PSMD3: variants seen among roughly 807,000 people sequenced by gnomAD.
PSMD3 encodes proteasome 26S subunit, non-ATPase 3, also known as 26S proteasome non-ATPase regulatory subunit 3.
Under a neutral mutation model 62.8 loss-of-function variants are expected in PSMD3, and 5 were observed. The observed-to-expected ratio is 0.08, with a 90% CI of 0.04 to 0.17. PSMD3 has a LOEUF of 0.17. PSMD3 is among the 10% of genes least tolerant of loss of function. The pLI is 1.00. For missense variants in PSMD3, 524 were observed against 713.6 expected (o/e 0.73, Z 3.03); for synonymous variants, 265 against 283.9 (o/e 0.93, Z 0.67).
chr17:39,996,381 AC>A lies in PSMD3; in HGVS notation c.1476+47del, dbSNP rs1336523169. The A allele has an allele frequency of 6.3e-7, 1 of 1,596,422 alleles. No individual in the cohort carries two copies. The highest frequency in any genetic ancestry group is 1.7e-5 in the Admixed American group (1 of 58,892). ...GCAGAGTCACGCCTGGCAGCAGCAC[AC>A]CCCTCCCTCCACACTCATGGATTCC... is the stretch of plus-strand genomic sequence containing the variant. On this transcript the variant is annotated intron_variant, in intron 10 of 11. Transcript: ENST00000264639. This position sits in a 1 kb window ranked among gnomAD's most constrained non-coding sequence, Gnocchi z 5.1.
In PSMD3 at chr17:39,995,706, CATGTGAGT is replaced by C; in HGVS notation, c.1320+180_1320+187del. 2 of 655,386 alleles carry C rather than the reference CATGTGAGT, an allele frequency of 3.1e-6. No homozygotes were observed. The highest frequency in any genetic ancestry group is 5.5e-6 in the Non-Finnish European group (2 of 366,928). The allele number at this position is 655,386 out of a possible 1,614,324, so 40.6% of individuals were successfully genotyped here. A position where few individuals can be genotyped will look rare whatever the true frequency, so the allele number is the denominator to read the frequency against. ...AGTTGCCAGAGAGAGCATGGATGTGCATGTGAGTGTGTGAGTGTAGGTGTGTGCACATG... is the reference window on the plus strand; with the variant it reads ...AGTTGCCAGAGAGAGCATGGATGTGCGTGTGAGTGTAGGTGTGTGCACATG... On this transcript the variant is annotated intron_variant, in intron 9 of 11. Coordinates refer to ENST00000264639, the MANE Select transcript of PSMD3 (RefSeq NM_002809.4). This position sits in a 1 kb window ranked among gnomAD's most constrained non-coding sequence, Gnocchi z 4.1.
chr17:39,986,439 A>G, intron 2 of PSMD3, 136 bp from the exon 3 acceptor site: 1 of 1,079,682 alleles, frequency 9.3e-7, no homozygotes, highest in Non-Finnish European at 1.3e-6. Flanking sequence ...TTATTTTTTT[A>G]TCCCTAGCAC....
Position 39,996,229 on chromosome 17 carries a change from G to A in PSMD3, c.1367G>A (p.Gly456Asp). Residue 456 changes from glycine to aspartate, a missense_variant, in exon 10 of 12, where the codon GGC becomes GAC. Physicochemically the swap from Gly to Asp is moderately conservative, Grantham distance 94. Transcript: ENST00000264639. The surrounding 1 kb of genome is among the most constrained non-coding windows in gnomAD (Gnocchi z 5.1). ...GAGGCCAGCATCAACCACGAGAAGG[G>A]CTATGTCCAATCCAAGGAGATGATT... is the stretch of plus-strand genomic sequence containing the variant. ...VIEASINHEK[G>D]YVQSKEMIDI... The A allele has an allele frequency of 6.2e-7, 1 of 1,614,024 alleles. No individual in the cohort carries two copies. Among genetic ancestry groups the A allele is most frequent in the African/African-American group, 1.3e-5 (1 of 74,998 alleles).
intron 1 of PSMD3, among the ~76,000 whole-genome samples, chr17:39,983,095 C>T (rs1473156719): frequency 3.3e-5 from 5 of 151,550 alleles, no homozygotes; most frequent in Admixed American, 6.6e-5. Flanking sequence ...TGCAATGGCG[C>T]GATCTCGGCT....
Position 39,995,629 on chromosome 17 carries a change from G to T in PSMD3, c.1320+102G>T. 2 of 1,143,388 alleles carry T rather than the reference G, an allele frequency of 1.7e-6. No homozygotes were observed. Among genetic ancestry groups the T allele is most frequent in the Non-Finnish European group, 2.6e-6 (2 of 771,442 alleles). The allele number at this position is 1,143,388 out of a possible 1,614,324, so 70.8% of individuals were successfully genotyped here. A position where few individuals can be genotyped will look rare whatever the true frequency, so the allele number is the denominator to read the frequency against. On this transcript the variant is annotated intron_variant, in intron 9 of 11. Transcript: ENST00000264639. This position sits in a 1 kb window ranked among gnomAD's most constrained non-coding sequence, Gnocchi z 4.1. ...TTGGCCAAGGAGGGGAATAGGTAAA[G>T]CAATGGCATAGTCATTTCAGGGCGT...
rs1207890302 is a variant in PSMD3 at position 39,984,283 on chromosome 17, CTCT to C, written c.221-5_221-3del. ...GAAAGTGACATCATTTTCTTCTCTG[CTCT>C]TCTTCAGACATCAAGGAGCACGTGA... On this transcript the variant is annotated splice_region_variant and splice_polypyrimidine_tract_variant and intron_variant, in intron 1 of 11. Coordinates refer to ENST00000264639, the MANE Select transcript of PSMD3 (RefSeq NM_002809.4). The C allele has an allele frequency of 3.8e-6, 6 of 1,596,252 alleles. No individual in the cohort carries two copies. Among genetic ancestry groups the C allele is most frequent in the East Asian group, 4.5e-5 (2 of 44,116 alleles).
rs1442617889 is a variant in PSMD3 at position 39,995,037 on chromosome 17, C to T, written c.1065C>T (p.Arg355=). 1.2e-6 allele frequency: 2 copies of T among 1,614,148 alleles called. No individual in the cohort carries two copies. The highest frequency in any genetic ancestry group is 2.2e-5 in the South Asian group (2 of 91,086). Residue 355 remains arginine (R), a synonymous_variant, in exon 7 of 12, where the codon CGC becomes CGT. Coordinates refer to ENST00000264639, the MANE Select transcript of PSMD3 (RefSeq NM_002809.4). This position sits in a 1 kb window ranked among gnomAD's most constrained non-coding sequence, Gnocchi z 4.1. ...AGTTCCGCCAGCCCTCCCTCAAGCG[C>T]TCACTCATGCCCTATTTCCTTCTGA... ...RLQFRQPSLK[R]SLMPYFLLTQ...
At chr17:39,992,609 A>G (rs914981501) in intron 6 of PSMD3, among the ~76,000 whole-genome samples, 2 of 152,134 alleles carry the variant, frequency 1.3e-5, no homozygotes, top group African/African-American at 4.8e-5. Flanking sequence ...GTAAACTTGA[A>G]TGTCTCTCTC....
In PSMD3 at chr17:39,997,679, C is replaced by T. The variant is rs1293977878; in HGVS notation, c.*98C>T. 12 of 1,377,722 alleles carry T rather than the reference C, an allele frequency of 8.7e-6. No individual in the cohort carries two copies. Among genetic ancestry groups the T allele is most frequent in the Non-Finnish European group, 1.2e-5 (12 of 988,322 alleles). 85.3% of individuals were successfully genotyped at this position (1,377,722 alleles called of 1,614,324 possible). A position where few individuals can be genotyped will look rare whatever the true frequency, so the allele number is the denominator to read the frequency against. On this transcript the variant is annotated 3_prime_UTR_variant, in exon 12 of 12. Coordinates refer to ENST00000264639, the MANE Select transcript of PSMD3 (RefSeq NM_002809.4). ...ACTGTCCCCATTTTCCCACACACAGCTCATATGCTGCATTCGTGCAGGGGG... is the reference window on the plus strand; with the variant it reads ...ACTGTCCCCATTTTCCCACACACAGTTCATATGCTGCATTCGTGCAGGGGG...
Position 39,980,822 on chromosome 17 carries a change from G to T in PSMD3, c.-149G>T, listed in dbSNP as rs1444509051. On this transcript the variant is annotated 5_prime_UTR_variant, in exon 1 of 12. Transcript: ENST00000264639. ...GGCGTTTCCCAGAAGGCCCAGCGCCGGGAAGGGGTTTGCAGCTGCTCCGTC... is the reference window on the plus strand; with the variant it reads ...GGCGTTTCCCAGAAGGCCCAGCGCCTGGAAGGGGTTTGCAGCTGCTCCGTC... 5.6e-6 allele frequency: 4 copies of T among 709,090 alleles called. No homozygotes were observed. Among genetic ancestry groups the T allele is most frequent in the Non-Finnish European group, 4.4e-6 (2 of 456,722 alleles). The allele number at this position is 709,090 out of a possible 1,614,324, so 43.9% of individuals were successfully genotyped here.
intron 6 of PSMD3, among the ~76,000 whole-genome samples, chr17:39,991,674 A>G (rs1258933836): frequency 1.3e-5 from 2 of 152,174 alleles, no homozygotes; most frequent in Non-Finnish European, 2.9e-5. Flanking sequence ...TAGGAGATTC[A>G]TTTTATTTCT....
At chr17:39,997,458 GGCTGA>G (rs757351597) in intron 11 of PSMD3, 41 bp from the exon 12 acceptor site, 10 of 1,277,156 alleles carry the variant, frequency 7.8e-6, no homozygotes, top group Non-Finnish European at 1.1e-5. Context: ...TGTCTGGAAG[GGCTGA>G]GCTGCTCTGA....
Position 39,996,782 on chromosome 17 carries a change from C to T in PSMD3, c.1476+444C>T. On this transcript the variant is annotated intron_variant, in intron 10 of 11. Coordinates refer to ENST00000264639, the MANE Select transcript of PSMD3 (RefSeq NM_002809.4). This position sits in a 1 kb window ranked among gnomAD's most constrained non-coding sequence, Gnocchi z 5.1. The stretch of plus-strand genomic sequence containing the variant: ...TAAAAAAGATGGCGCTGGTATCTAG[C>T]TCCACAAAAGGGTGAGCCCTTATCC... 2.1e-6 allele frequency: 1 copy of T among 465,476 alleles called. No homozygotes were observed. Among genetic ancestry groups the T allele is most frequent in the South Asian group, 1.5e-5 (1 of 64,642 alleles). The allele number at this position is 465,476 out of a possible 1,614,324, so 28.8% of individuals were successfully genotyped here.
chr17:39,985,391 A>G (rs1291189082), intron 2 of PSMD3, among the ~76,000 whole-genome samples: 2 of 152,254 alleles, frequency 1.3e-5, no homozygotes, highest in African/African-American at 2.4e-5. Flanking sequence ...AGCGGGCAGT[A>G]TAAAGCTCCT....
intron 2 of PSMD3, 21 bp downstream of exon 2, chr17:39,984,505 T>A (rs1339867607): frequency 2.5e-6 from 4 of 1,597,458 alleles, no homozygotes; most frequent in Non-Finnish European, 3.4e-6. Flanking sequence ...CAGGCCAACT[T>A]AAAGGGTGCA....
At chr17:39,985,014 G>GC (rs1463882008) in intron 2 of PSMD3, among the ~76,000 whole-genome samples, 1 of 151,968 alleles carries the variant, frequency 6.6e-6, no homozygotes, top group African/African-American at 2.4e-5. Flanking sequence ...CAATCTGCCC[G>GC]CCCAGGAGTT....
At position 39,980,826 on chromosome 17, in the gene PSMD3, A is replaced by C; in HGVS notation, c.-145A>C. 1.7e-5 allele frequency: 12 copies of C among 696,586 alleles called. No homozygotes were observed. Among genetic ancestry groups the C allele is most frequent in the East Asian group, 3.2e-5 (1 of 30,902 alleles). 43.2% of individuals were successfully genotyped at this position (696,586 alleles called of 1,614,324 possible). On this transcript the variant is annotated 5_prime_UTR_variant, in exon 1 of 12. Coordinates refer to ENST00000264639, the MANE Select transcript of PSMD3 (RefSeq NM_002809.4). ...TTTCCCAGAAGGCCCAGCGCCGGGA[A>C]GGGGTTTGCAGCTGCTCCGTCATCG... is the stretch of plus-strand genomic sequence containing the variant.
intron 4 of PSMD3, 24 bp downstream of exon 4, chr17:39,988,843 T>C: frequency 6.2e-7 from 1 of 1,610,966 alleles, no homozygotes; most frequent in Non-Finnish European, 8.5e-7. Context: ...AGCATCTCAC[T>C]TGGGGTCCGT....
intron 6 of PSMD3, chr17:39,994,540 C>T (rs1379394433): frequency 4.2e-6 from 1 of 237,866 alleles, no homozygotes; most frequent in African/African-American, 2.2e-5. Context: ...CTCCTCTCCT[C>T]TAGTAACAGT....
Sources: allele counts gnomAD v4.1 joint callset (sites outside exome capture counted in the v4.1 genomes callset), GRCh38; gene constraint gnomAD v4.1.1; non-coding constraint Gnocchi (gnomAD v3.1); transcripts MANE v1.5; gene names NCBI Gene and HGNC (gene_info 2026-07-23, HGNC 2026-07-21).